CHLSN: variants seen among roughly 807,000 people sequenced by gnomAD.
The protein encoded by CHLSN is cholesin, also known as protein cholesin.
the CHLSN span, chr7:1,055,408 A>G: frequency 2.1e-6 from 1 of 469,138 alleles, no homozygotes; most frequent in Middle Eastern, 3.8e-4. Flanking sequence ...TCTGGTGGCC[A>G]CCTCTGTCCC....
the CHLSN span, chr7:984,932 C>T: frequency 6.3e-7 from 1 of 1,579,428 alleles, no homozygotes; most frequent in East Asian, 2.2e-5. Context: ...GCTCACCACG[C>T]ACTGTATCTG....
chr7:1,091,987 T>A, the CHLSN span: 1 of 1,614,120 alleles, frequency 6.2e-7, no homozygotes, highest in Non-Finnish European at 8.5e-7. Flanking sequence ...GAACATCAGC[T>A]TCCGCGAGAA....
chr7:1,136,726 TC>T, the CHLSN span, among the ~76,000 whole-genome samples: 1 of 151,182 alleles, frequency 6.6e-6, no homozygotes, highest in Non-Finnish European at 1.5e-5. Flanking sequence ...ACATATATCA[TC>T]TCAAGCTTAA....
the CHLSN span, among the ~76,000 whole-genome samples, chr7:1,116,539 G>C: frequency 1.2e-5 from 1 of 83,336 alleles, no homozygotes; most frequent in Non-Finnish European, 2.3e-5. Context: ...TCTAGGACCG[G>C]CTTCCATCAC....
At chr7:1,082,578 A>T in the CHLSN span, among the ~76,000 whole-genome samples, 1 of 152,146 alleles carries the variant, frequency 6.6e-6, no homozygotes, top group African/African-American at 2.4e-5. Flanking sequence ...CTCACCCAAG[A>T]CCCAAAGCCG....
chr7:1,124,930 G>C, the CHLSN span, among the ~76,000 whole-genome samples: 1 of 152,124 alleles, frequency 6.6e-6, no homozygotes, highest in Non-Finnish European at 1.5e-5. Flanking sequence ...GGGGTGTTCT[G>C]CTAGAGAGCC....
At chr7:1,031,252 A>G in the CHLSN span, among the ~76,000 whole-genome samples, 45 of 152,254 alleles carry the variant, frequency 3.0e-4, no homozygotes, top group African/African-American at 1.1e-3. Context: ...TGAGGCTGTA[A>G]TAATACTGAG....
At chr7:1,076,741 G>T in the CHLSN span, among the ~76,000 whole-genome samples, 1 of 152,224 alleles carries the variant, frequency 6.6e-6, no homozygotes, top group African/African-American at 2.4e-5. Flanking sequence ...CCTTGGCCAG[G>T]ACTCTTCCCA....
chr7:1,008,852 T>TAAACACGC, the CHLSN span, among the ~76,000 whole-genome samples: 1,225 of 145,592 alleles, frequency 8.4e-3, 14 homozygotes, highest in African/African-American at 0.031. Flanking sequence ...CGCACACACG[T>TAAACACGC]AAACACACGC....
the CHLSN span, chr7:987,180 C>T: frequency 4.4e-4 from 688 of 1,562,198 alleles, 9 homozygotes; most frequent in South Asian, 7.6e-3. Context: ...ATGGCCGGGA[C>T]GGAGACGACC....
At chr7:1,021,034 G>C in the CHLSN span, among the ~76,000 whole-genome samples, 1 of 151,862 alleles carries the variant, frequency 6.6e-6, no homozygotes, top group African/African-American at 2.4e-5. Context: ...CTCCAGGTTG[G>C]GGACCTCCCA....
the CHLSN span, chr7:988,962 G>A: frequency 8.3e-6 from 5 of 603,360 alleles, no homozygotes; most frequent in South Asian, 2.1e-5. Flanking sequence ...CCCCCACAGG[G>A]TCAGCAACTG....
At chr7:1,136,794 A>C in the CHLSN span, among the ~76,000 whole-genome samples, 1 of 151,884 alleles carries the variant, frequency 6.6e-6, no homozygotes, top group Non-Finnish European at 1.5e-5. Context: ...CCTAGTGTTC[A>C]TCCTCTCCAT....
chr7:1,028,349 G>A, the CHLSN span: 1 of 1,012,980 alleles, frequency 9.9e-7, no homozygotes, highest in Non-Finnish European at 1.2e-6. Context: ...GCCTCCAGCA[G>A]CCTCAGCGCC....
the CHLSN span, chr7:997,279 C>A: frequency 4.3e-6 from 1 of 230,864 alleles, no homozygotes; most frequent in Non-Finnish European, 8.4e-6. Context: ...AAAATATTCC[C>A]GGTAGAAAAA....
the CHLSN span, among the ~76,000 whole-genome samples, chr7:1,095,659 A>T: frequency 2.0e-5 from 3 of 152,244 alleles, no homozygotes; most frequent in Non-Finnish European, 4.4e-5. Flanking sequence ...CACCCCTCAC[A>T]GCAGCCCCGT....
the CHLSN span, among the ~76,000 whole-genome samples, chr7:1,027,197 G>A: frequency 9.8e-5 from 15 of 152,344 alleles, no homozygotes; most frequent in South Asian, 3.1e-3. Flanking sequence ...TACGGGTTAG[G>A]TTTTCTCACT....
the CHLSN span, among the ~76,000 whole-genome samples, chr7:1,066,733 T>A: frequency 6.6e-6 from 1 of 152,188 alleles, no homozygotes; most frequent in African/African-American, 2.4e-5. Flanking sequence ...TCCCTAAGCC[T>A]GAGCCTCCAG....
At chr7:1,121,777 G>A in the CHLSN span, among the ~76,000 whole-genome samples, 4 of 152,242 alleles carry the variant, frequency 2.6e-5, no homozygotes, top group African/African-American at 9.6e-5. Context: ...GGCCCACGAA[G>A]CCTTCTGTGG....
Sources: allele counts gnomAD v4.1 joint callset (sites outside exome capture counted in the v4.1 genomes callset), GRCh38; gene constraint gnomAD v4.1.1; transcripts MANE v1.5; gene names NCBI Gene and HGNC (gene_info 2026-07-23, HGNC 2026-07-21).